Variants in MVP observed in about 807,000 individuals in gnomAD.
The protein encoded by MVP is major vault protein, also known as lung resistance-related protein.
A neutral mutation model predicts 83.5 loss-of-function variants in MVP; 62 were observed. The ratio of observed to expected loss-of-function variants is 0.74; its 90% CI spans 0.61 to 0.92. The LOEUF is 0.92. MVP is among the 40% of genes least tolerant of loss of function. The probability of loss-of-function intolerance (pLI) is 0.00; values close to 1 mark genes in which losing one functional copy is unlikely to be tolerated. For missense variants in MVP, 1,000 were observed against 1,203.4 expected (o/e 0.83, Z 2.50); for synonymous variants, 505 against 504.1 (o/e 1.00, Z -0.02).
intron 6 of MVP, among the ~76,000 whole-genome samples, chr16:29,836,457 C>T (rs1471508061): frequency 6.7e-6 from 1 of 150,014 alleles, no homozygotes; most frequent in East Asian, 2.0e-4. Context: ...CACCTGTAAT[C>T]CCAGCTGTAC....
chr16:29,845,127 G>T (rs1245312678), intron 11 of MVP, among the ~76,000 whole-genome samples: 1 of 151,394 alleles, frequency 6.6e-6, no homozygotes, highest in African/African-American at 2.4e-5. Context: ...GTTTGAGGCT[G>T]CAGTGAGCCA....
At chr16:29,830,363 A>T in intron 1 of MVP, 152 bp from the exon 2 acceptor site, 1 of 590,480 alleles carries the variant, frequency 1.7e-6, no homozygotes, top group Non-Finnish European at 3.0e-6. Context: ...GAAGACAGGG[A>T]GCAGTGGGCA....
At chr16:29,830,416 AGGT>A in intron 1 of MVP, 96 bp from the exon 2 acceptor site, 1 of 1,002,312 alleles carries the variant, frequency 1.0e-6, no homozygotes, top group Non-Finnish European at 1.5e-6. Context: ...TGGCTGGAGG[AGGT>A]AGGGCCGTAT....
chr16:29,847,053 G>A, intron 13 of MVP, 144 bp from the exon 14 acceptor site: 1 of 843,962 alleles, frequency 1.2e-6, no homozygotes, highest in Non-Finnish European at 1.9e-6. Context: ...GACTGGGTGT[G>A]GTGGCACATG....
Position 29,841,461 on chromosome 16 carries a change from G to A in MVP, c.1192-135G>A. ...CAGCAGATGGCAAACCCGGGGTGGA[G>A]CCTGGCCTCCCCGTAGAGAAGGTGT... On this transcript the variant is annotated intron_variant, in intron 8 of 14. Transcript: ENST00000357402. This position sits in a 1 kb window ranked among gnomAD's most constrained non-coding sequence, Gnocchi z 4.7. The A allele has an allele frequency of 2.7e-5, 33 of 1,213,886 alleles. No homozygotes were observed. Among genetic ancestry groups the A allele is most frequent in the Non-Finnish European group, 3.7e-5 (33 of 892,894 alleles). The allele number at this position is 1,213,886 out of a possible 1,614,324, so 75.2% of individuals were successfully genotyped here.
chr16:29,825,486 C>T (rs2067398747), intron 1 of MVP, among the ~76,000 whole-genome samples: 1 of 152,204 alleles, frequency 6.6e-6, no homozygotes, highest in African/African-American at 2.4e-5. Context: ...AAGGGTTTCC[C>T]TGGCTCACCT....
At chr16:29,827,880 A>T (rs1179168057) in intron 1 of MVP, among the ~76,000 whole-genome samples, 1 of 152,182 alleles carries the variant, frequency 6.6e-6, no homozygotes, top group African/African-American at 2.4e-5. Flanking sequence ...GTGCCACTGC[A>T]TTCCTGCCTG....
chr16:29,821,044 G>T (rs1262996558), intron 1 of MVP: 1 of 152,248 alleles, frequency 6.6e-6, no homozygotes, highest in Non-Finnish European at 1.5e-5. Flanking sequence ...GTCATTAGCA[G>T]AGTGATTTCC....
intron 11 of MVP, among the ~76,000 whole-genome samples, chr16:29,845,660 C>G (rs768523935): frequency 6.6e-6 from 1 of 152,196 alleles, no homozygotes; most frequent in Non-Finnish European, 1.5e-5. Context: ...AGTAGGGGGC[C>G]GCAGTCACGC....
intron 1 of MVP, among the ~76,000 whole-genome samples, chr16:29,827,957 CATTTT>C (rs757586828): frequency 9.9e-5 from 15 of 152,096 alleles, no homozygotes; most frequent in East Asian, 3.9e-4. Flanking sequence ...GCATTAGCCA[CATTTT>C]ATTTTATTTT....
intron 3 of MVP, chr16:29,833,442 G>A (rs1037299608): frequency 6.3e-6 from 2 of 319,858 alleles, no homozygotes; most frequent in Non-Finnish European, 1.2e-5. Flanking sequence ...GACTACAGGT[G>A]TGCGCCGCCA....
intron 1 of MVP, among the ~76,000 whole-genome samples, chr16:29,822,109 A>G (rs2067366879): frequency 6.7e-6 from 1 of 150,372 alleles, no homozygotes. Context: ...TTTTTAAAGA[A>G]TTATAGCTCA....
Position 29,840,254 on chromosome 16 carries a change from A to C in MVP, c.986A>C (p.Gln329Pro). 1 of 1,614,028 alleles carries C rather than the reference A, an allele frequency of 6.2e-7. No individual in the cohort carries two copies. Among genetic ancestry groups the C allele is most frequent in the Non-Finnish European group, 8.5e-7 (1 of 1,180,008 alleles). ...GIQDVYVLSEQQGLLLRALQP... is the reference protein window; with the variant it reads ...GIQDVYVLSEPQGLLLRALQP... The stretch of plus-strand genomic sequence containing the variant: ...CAGGATGTGTATGTGCTGTCGGAGC[A>C]GCAGGGGCTGCTGCTGAGGGCCCTG... Residue 329 changes from glutamine to proline, a missense_variant, in exon 8 of 15, where the codon CAG (glutamine) becomes CCG (proline). Coordinates refer to ENST00000357402, the MANE Select transcript of MVP (RefSeq NM_005115.5).
rs752813108 is a variant in MVP at position 29,840,347 on chromosome 16, G to A, written c.1079G>A (p.Arg360His). The A allele has an allele frequency of 1.2e-5, 20 of 1,608,394 alleles. No individual in the cohort carries two copies. The highest frequency in any genetic ancestry group is 5.5e-5 in the South Asian group (5 of 90,240). Residue 360 changes from arginine to histidine, a missense_variant, in exon 8 of 15, where the codon CGC becomes CAC. Arg to His is a conservative substitution (Grantham distance 29). Coordinates refer to ENST00000357402, the MANE Select transcript of MVP (RefSeq NM_005115.5). ...CAGGCTGGGGACCACTGGCTCATCC[G>A]CGGACCCCTGGAGTATGTGCCATCT... is the stretch of plus-strand genomic sequence containing the variant. Reference protein sequence around the residue: ...SHQAGDHWLIRGPLEYVPSAK... With the variant: ...SHQAGDHWLIHGPLEYVPSAK...
In MVP at chr16:29,841,456, G is replaced by T. The variant is rs2067533758; in HGVS notation, c.1192-140G>T. ...AGGGCCAGCAGATGGCAAACCCGGG[G>T]TGGAGCCTGGCCTCCCCGTAGAGAA... is the stretch of plus-strand genomic sequence containing the variant. On this transcript the variant is annotated intron_variant, in intron 8 of 14. Transcript: ENST00000357402. The surrounding 1 kb of genome is among the most constrained non-coding windows in gnomAD (Gnocchi z 4.7). 5 of 1,175,124 alleles carry T rather than the reference G, an allele frequency of 4.3e-6. No homozygotes were observed. In the South Asian group the frequency reaches 8.3e-5, roughly 19 times the overall value. The allele number at this position is 1,175,124 out of a possible 1,614,324, so 72.8% of individuals were successfully genotyped here.
chr16:29,835,947 A>G, intron 6 of MVP, 149 bp downstream of exon 6: 1 of 673,404 alleles, frequency 1.5e-6, no homozygotes, highest in South Asian at 1.8e-5. Context: ...TTGCCTGAGT[A>G]TTCTGGATCA....
intron 1 of MVP, among the ~76,000 whole-genome samples, chr16:29,824,717 G>T (rs1486106463): frequency 6.6e-6 from 1 of 152,118 alleles, no homozygotes; most frequent in East Asian, 1.9e-4. Context: ...AGCCGAGATT[G>T]TGCCACTTCA....
At chr16:29,844,420 A>C in intron 10 of MVP, 73 bp from the exon 11 acceptor site, 1 of 1,499,180 alleles carries the variant, frequency 6.7e-7, no homozygotes, top group Non-Finnish European at 8.8e-7. Context: ...GCAACATGGC[A>C]AGACCTTGTC....
In MVP at chr16:29,831,073, G is replaced by T; in HGVS notation, c.321G>T (p.Lys107Asn). 2 of 1,610,424 alleles carry T rather than the reference G, an allele frequency of 1.2e-6. No individual in the cohort carries two copies. Among genetic ancestry groups the T allele is most frequent in the Admixed American group, 1.7e-5 (1 of 59,962 alleles). Residue 107 changes from lysine (K) to asparagine (N), a missense_variant and splice_region_variant, in exon 3 of 15, where the codon AAG becomes AAT. Lys to Asn is a moderately conservative substitution (Grantham distance 94). Coordinates refer to ENST00000357402, the MANE Select transcript of MVP (RefSeq NM_005115.5). ...FPLYPGEVLE[K>N]DITPLQVVLP... Reference sequence around the variant, plus strand: ...TGTACCCAGGGGAGGTGCTGGAAAAGGTACCTGGTTTCCTCACTCCCTATG... The same window carrying T: ...TGTACCCAGGGGAGGTGCTGGAAAATGTACCTGGTTTCCTCACTCCCTATG...
Sources: gnomAD v4.1 joint callset for allele counts (sites outside exome capture counted in the v4.1 genomes callset) on GRCh38, gnomAD v4.1.1 for gene constraint, Gnocchi (gnomAD v3.1) non-coding constraint, MANE v1.5 for transcripts, NCBI Gene and HGNC (gene_info 2026-07-23, HGNC 2026-07-21) for gene names.